The following VAV3 variants were observed in gnomAD, a reference collection of about 807,000 sequenced individuals.
VAV3 encodes the protein guanine nucleotide exchange factor VAV3.
In VAV3, 94 loss-of-function variants were observed where a neutral mutation model predicts 131.2. The ratio of observed to expected loss-of-function variants is 0.72; its 90% confidence interval spans 0.61 to 0.85. VAV3 has a LOEUF of 0.85. Ranked by LOEUF, VAV3 falls within the 40% of genes least tolerant of loss-of-function variation. The pLI, the probability that VAV3 is intolerant of heterozygous loss-of-function variation, is 0.00. For missense variants in VAV3, 939 were observed against 1,002.7 expected, an observed-to-expected ratio of 0.94 and a Z score of 0.86; for synonymous variants, 349 against 342.0, an observed-to-expected ratio of 1.02 and a Z score of -0.22.
chr1:107,959,269 A>G (rs897156135), intron 1 of VAV3, among the ~76,000 whole-genome samples: 1 of 121,688 alleles, frequency 8.2e-6, no homozygotes, highest in African/African-American at 4.6e-5. Flanking sequence ...TAAAAAATAA[A>G]TAAATTAATT....
chr1:107,926,701 C>T (rs72983491), intron 1 of VAV3, among the ~76,000 whole-genome samples: 4,747 of 152,200 alleles, frequency 0.031, 246 homozygotes, highest in African/African-American at 0.11. Context: ...AGCAGAAATC[C>T]AAACCAGGCT....
intron 2 of VAV3, among the ~76,000 whole-genome samples, chr1:107,868,935 T>C (rs1350578683): frequency 6.6e-6 from 1 of 152,186 alleles, no homozygotes; most frequent in African/African-American, 2.4e-5. Flanking sequence ...ACAGCACTGA[T>C]TCCCACTTCA....
intron 1 of VAV3, among the ~76,000 whole-genome samples, chr1:107,936,699 A>T (rs2101237678): frequency 6.6e-6 from 1 of 152,312 alleles, no homozygotes; most frequent in South Asian, 2.1e-4. Flanking sequence ...TTCAAGTTGG[A>T]GAAGAATGCA....
At position 107,646,967 on chromosome 1, in the gene VAV3, CT is replaced by C. The variant is rs562577481; in HGVS notation, c.1778-4213del. On this transcript the variant is annotated intron_variant, in intron 19 of 26. Transcript: ENST00000370056. ...TGACACACTCCAAATGACACATGTG[CT>C]TTTTTTAAAAGTTAATTCTAAGTAG... Among the ~76,000 whole-genome samples, 3 of 151,668 alleles carry C rather than the reference CT, an allele frequency of 2.0e-5. No homozygotes were observed. The East Asian group carries it at 5.8e-4, about 29-fold the overall frequency.
chr1:107,573,424 C>T, intron 26 of VAV3, 52 bp from the exon 27 acceptor site: 1 of 1,607,346 alleles, frequency 6.2e-7, no homozygotes, highest in Non-Finnish European at 8.5e-7. Context: ...TCTGACACTT[C>T]AAAGGATTCT....
chr1:107,659,709 AGTATTAAGGATATGCTG>A (rs1222245185), intron 19 of VAV3, among the ~76,000 whole-genome samples: 1 of 152,200 alleles, frequency 6.6e-6, no homozygotes, highest in Non-Finnish European at 1.5e-5. Flanking sequence ...TATTATGTAT[AGTATTAAGGATATGCTG>A]GTATTAAGGA....
Position 107,962,677 on chromosome 1 carries a change from G to A in VAV3, c.204+1989C>T, listed in dbSNP as rs572362185. 7.2e-5 allele frequency among the ~76,000 whole-genome samples: 11 copies of A among 152,286 alleles called. No homozygotes were observed. In the East Asian group the frequency reaches 1.9e-3, roughly 27 times the overall value. On this transcript the variant is annotated intron_variant, in intron 1 of 26. Transcript: ENST00000370056. Reference sequence around the variant, plus strand: ...CAAAAACAGACATCACCAGGCTCAGGTACTAGCCTTCTAGGATTCACATTT... The same window carrying A: ...CAAAAACAGACATCACCAGGCTCAGATACTAGCCTTCTAGGATTCACATTT...
chr1:107,863,668 G>A (rs114860759), intron 2 of VAV3, among the ~76,000 whole-genome samples: 2,259 of 152,166 alleles, frequency 0.015, 21 homozygotes, highest in Non-Finnish European at 0.022. Context: ...CTCTACTTAC[G>A]TATATAGATA....
At chr1:107,810,625 A>T (rs1486299082) in intron 2 of VAV3, among the ~76,000 whole-genome samples, 1 of 152,078 alleles carries the variant, frequency 6.6e-6, no homozygotes, top group Non-Finnish European at 1.5e-5. Context: ...ATGATTTGGG[A>T]TTTTTCAGTA....
intron 2 of VAV3, among the ~76,000 whole-genome samples, chr1:107,828,335 G>A (rs1668103020): frequency 6.6e-6 from 1 of 152,172 alleles, no homozygotes; most frequent in African/African-American, 2.4e-5. Context: ...CAGAAGGCCT[G>A]AGGTCTAGGC....
chr1:107,586,230 T>C (rs990229684), intron 25 of VAV3, among the ~76,000 whole-genome samples: 4 of 151,848 alleles, frequency 2.6e-5, no homozygotes, highest in African/African-American at 9.7e-5. Context: ...CCTTCCCTAC[T>C]AGCAAGTGGC....
At chr1:107,718,096 TA>T (rs1329333429) in intron 15 of VAV3, among the ~76,000 whole-genome samples, 1 of 152,146 alleles carries the variant, frequency 6.6e-6, no homozygotes, top group Admixed American at 6.6e-5. Flanking sequence ...CCACAGCCAA[TA>T]TCATACTGAA....
chr1:107,804,380 C>T (rs753959733), intron 2 of VAV3, among the ~76,000 whole-genome samples: 25 of 152,146 alleles, frequency 1.6e-4, no homozygotes, highest in Non-Finnish European at 2.8e-4. Flanking sequence ...TAATTCATTG[C>T]TTTTTCTAAT....
chr1:107,947,500 C>A (rs1256346267), intron 1 of VAV3, among the ~76,000 whole-genome samples: 1 of 152,164 alleles, frequency 6.6e-6, no homozygotes, highest in Admixed American at 6.5e-5. Flanking sequence ...CTGTCCACTA[C>A]ATCTCTGGTG....
intron 15 of VAV3, among the ~76,000 whole-genome samples, chr1:107,744,197 G>A (rs967023072): frequency 7.2e-5 from 11 of 152,152 alleles, no homozygotes; most frequent in East Asian, 3.9e-4. Context: ...CATTCTCTTC[G>A]TCCCACTACC....
intron 15 of VAV3, among the ~76,000 whole-genome samples, chr1:107,721,184 T>C (rs1452291741): frequency 6.6e-6 from 1 of 152,134 alleles, no homozygotes; most frequent in Non-Finnish European, 1.5e-5. Context: ...AACGTGAAGT[T>C]AACGGAATTC....
At chr1:107,781,963 C>T (rs1030178496) in intron 2 of VAV3, among the ~76,000 whole-genome samples, 5 of 152,102 alleles carry the variant, frequency 3.3e-5, no homozygotes, top group South Asian at 2.1e-4. Context: ...CACTATTAAG[C>T]GAAAAGTCTA....
chr1:107,808,195 C>T (rs535503172), intron 2 of VAV3, among the ~76,000 whole-genome samples: 77 of 152,158 alleles, frequency 5.1e-4, no homozygotes, highest in Admixed American at 1.6e-3. Context: ...AGTAGAAATA[C>T]GGGATACATA....
chr1:107,667,583 T>A (rs1162659291), intron 19 of VAV3, among the ~76,000 whole-genome samples: 1 of 152,140 alleles, frequency 6.6e-6, no homozygotes, highest in African/African-American at 2.4e-5. Context: ...TGATGGTTTA[T>A]GTTAGGATTA....
Sources: allele counts gnomAD v4.1 joint callset (sites outside exome capture counted in the v4.1 genomes callset), GRCh38; gene constraint gnomAD v4.1.1; transcripts MANE v1.5; gene names NCBI Gene and HGNC (gene_info 2026-07-23, HGNC 2026-07-21).